The following IL12RB2 variants were observed in gnomAD, a reference collection of about 807,000 sequenced individuals.
The protein encoded by IL12RB2 is interleukin-12 receptor subunit beta-2.
Under a neutral mutation model 89.4 loss-of-function variants are expected in IL12RB2, and 82 were observed. The ratio of observed to expected loss-of-function variants is 0.92; its 90% CI spans 0.77 to 1.10. The LOEUF (loss-of-function observed/expected upper bound fraction) is 1.10. Among genes scored for constraint, IL12RB2 ranks in the 50% least tolerant of loss-of-function variants. The probability of loss-of-function intolerance (pLI) is 0.00; values close to 1 mark genes in which losing one functional copy is unlikely to be tolerated. For synonymous variants in IL12RB2, 368 were observed against 370.1 expected (o/e 0.99, Z 0.07); for missense variants, 963 against 1,031.9 (o/e 0.93, Z 0.92).
intron 14 of IL12RB2, among the ~76,000 whole-genome samples, chr1:67,382,188 C>T (rs1664670920): frequency 1.3e-5 from 2 of 152,134 alleles, no homozygotes; most frequent in African/African-American, 2.4e-5. Context: ...TCCACACCTG[C>T]CTGGGCAACA....
At chr1:67,326,080 A>C (rs953002933) in intron 4 of IL12RB2, among the ~76,000 whole-genome samples, 1 of 152,222 alleles carries the variant, frequency 6.6e-6, no homozygotes, top group Non-Finnish European at 1.5e-5. Flanking sequence ...AATGTCCATA[A>C]AGTGCTCCAA....
intron 9 of IL12RB2, 32 bp downstream of exon 9, chr1:67,338,735 G>A: frequency 9.9e-7 from 1 of 1,013,706 alleles, no homozygotes; most frequent in East Asian, 2.4e-5. Context: ...AAAACTCAAG[G>A]GAATAAAACT....
intron 11 of IL12RB2, 31 bp downstream of exon 11, chr1:67,368,056 G>T: frequency 2.2e-6 from 3 of 1,369,962 alleles, no homozygotes; most frequent in South Asian, 1.2e-5. Flanking sequence ...CTTCTAGAGG[G>T]TTACTAAGTT....
At position 67,396,693 on chromosome 1, in the gene IL12RB2, C is replaced by G. The variant is rs1246091375; in HGVS notation, c.*604C>G. On this transcript the variant is annotated 3_prime_UTR_variant, in exon 17 of 17. Transcript: ENST00000674203. ...GTGGCTACTGTATTGGAGTGCACAG[C>G]TCTAGATGGCTCCTAGATTATTGAG... 6.4e-6 allele frequency: 1 copy of G among 156,356 alleles called. No homozygotes were observed. Among genetic ancestry groups the G allele is most frequent in the Non-Finnish European group, 1.4e-5 (1 of 70,544 alleles). 9.7% of individuals were successfully genotyped at this position (156,356 alleles called of 1,614,324 possible). A position where few individuals can be genotyped will look rare whatever the true frequency, so the allele number is the denominator to read the frequency against.
Position 67,386,619 on chromosome 1 carries a change from C to T in IL12RB2, c.1896C>T (p.Cys632=). Residue 632 remains cysteine, a synonymous_variant, in exon 15 of 17, where the codon TGC becomes TGT. Transcript: ENST00000674203. The stretch of plus-strand genomic sequence containing the variant: ...TGGCGTTTGTGGCACCAAGCATTTG[C>T]ATTGCTATCATCATGGTGGGCATTT... ...NWMAFVAPSI[C]IAIIMVGIFS... is the part of the protein sequence containing the mutation. The T allele has an allele frequency of 6.2e-7, 1 of 1,613,626 alleles. No individual in the cohort carries two copies. Among genetic ancestry groups the T allele is most frequent in the Non-Finnish European group, 8.5e-7 (1 of 1,179,676 alleles).
intron 10 of IL12RB2, among the ~76,000 whole-genome samples, chr1:67,354,418 A>G (rs960261065): frequency 3.9e-5 from 6 of 152,330 alleles, no homozygotes; most frequent in Non-Finnish European, 5.9e-5. Flanking sequence ...GGAGCCAGTG[A>G]CCAAAAGAGG....
rs766912194 is a variant in IL12RB2, at chr1:67,397,046, G to A, written c.*957G>A. ...CCAGCTACTCGGGAGGCTGAGGGAGGAGAATGACATGAACCTGGGAGGTGG... is the reference window on the plus strand; with the variant it reads ...CCAGCTACTCGGGAGGCTGAGGGAGAAGAATGACATGAACCTGGGAGGTGG... On this transcript the variant is annotated 3_prime_UTR_variant, in exon 17 of 17. Coordinates refer to ENST00000674203, the MANE Select transcript of IL12RB2 (RefSeq NM_001374259.2). 6.6e-6 allele frequency: 1 copy of A among 151,806 alleles called. No homozygotes were observed. The highest frequency in any genetic ancestry group is 1.5e-5 in the Non-Finnish European group (1 of 68,044). 9.4% of individuals were successfully genotyped at this position (151,806 alleles called of 1,614,324 possible).
intron 1 of IL12RB2, among the ~76,000 whole-genome samples, chr1:67,310,781 G>A (rs973543727): frequency 2.6e-5 from 4 of 152,186 alleles, no homozygotes; most frequent in African/African-American, 9.7e-5. Flanking sequence ...CTGGAGTGCA[G>A]TGGTGCGATC....
chr1:67,367,013 T>C (rs894055455), intron 10 of IL12RB2, among the ~76,000 whole-genome samples: 4 of 152,186 alleles, frequency 2.6e-5, no homozygotes, highest in Non-Finnish European at 5.9e-5. Flanking sequence ...GGATAGGAAT[T>C]TGTCTAAACA....
intron 10 of IL12RB2, 32 bp downstream of exon 10, chr1:67,351,121 T>G: frequency 2.5e-6 from 4 of 1,608,490 alleles, no homozygotes; most frequent in Non-Finnish European, 3.4e-6. Context: ...ACATTGCCTG[T>G]GGAAAACTGT....
intron 9 of IL12RB2, among the ~76,000 whole-genome samples, chr1:67,344,136 G>A (rs1291226946): frequency 6.6e-6 from 1 of 152,014 alleles, no homozygotes; most frequent in Non-Finnish European, 1.5e-5. Flanking sequence ...AGCAGAGAGG[G>A]ACACCTCTAT....
intron 10 of IL12RB2, among the ~76,000 whole-genome samples, chr1:67,359,586 G>A (rs754314683): frequency 7.9e-5 from 12 of 152,070 alleles, no homozygotes; most frequent in East Asian, 1.9e-4. Context: ...GCTGGGAGTC[G>A]TGGCATATGC....
At chr1:67,342,916 C>A (rs1659820842) in intron 9 of IL12RB2, among the ~76,000 whole-genome samples, 1 of 28,914 alleles carries the variant, frequency 3.5e-5, no homozygotes, top group Non-Finnish European at 1.2e-4. Flanking sequence ...TCCATCACCA[C>A]GCCCAGCTAA....
chr1:67,318,788 A>T (rs930070562), intron 2 of IL12RB2, among the ~76,000 whole-genome samples: 1 of 152,072 alleles, frequency 6.6e-6, no homozygotes, highest in African/African-American at 2.4e-5. Flanking sequence ...ACTGGAGCTC[A>T]GGGGGATGTG....
intron 9 of IL12RB2, 86 bp downstream of exon 9, chr1:67,338,789 G>T: frequency 2.6e-6 from 2 of 769,092 alleles, no homozygotes; most frequent in Non-Finnish European, 4.8e-6. Context: ...TTTATATGAA[G>T]CTTCAATGAT....
intron 1 of IL12RB2, among the ~76,000 whole-genome samples, chr1:67,313,151 G>A (rs1197311972): frequency 6.6e-6 from 1 of 152,198 alleles, no homozygotes; most frequent in East Asian, 1.9e-4. Flanking sequence ...ATTTCATGAA[G>A]AAGAGAAGGT....
At chr1:67,308,865 C>T (rs1311498803) in intron 1 of IL12RB2, among the ~76,000 whole-genome samples, 1 of 151,936 alleles carries the variant, frequency 6.6e-6, no homozygotes, top group Non-Finnish European at 1.5e-5. Flanking sequence ...ATTAAAAATA[C>T]GAAAATTAGC....
intron 10 of IL12RB2, among the ~76,000 whole-genome samples, chr1:67,355,497 G>C (rs1661298665): frequency 6.8e-6 from 1 of 147,524 alleles, no homozygotes; most frequent in African/African-American, 2.5e-5. Context: ...ATATTTCAAA[G>C]ATCCAGCCCT....
Position 67,395,939 on chromosome 1 carries a change from A to G in IL12RB2, c.2439A>G (p.Ala813=), listed in dbSNP as rs1365939258. The G allele has an allele frequency of 6.2e-7, 1 of 1,612,204 alleles. No homozygotes were observed. ...SNIDDLPSHE[A]PLADSLEELE... ...TAGATGACCTCCCCTCACATGAGGC[A>G]CCTCTCGCTGACTCTCTGGAAGAAC... The change falls in exon 17 of 17, where the codon GCA becomes GCG. Residue 813 remains alanine, a synonymous_variant. Transcript: ENST00000674203.
Sources: allele counts gnomAD v4.1 joint callset (sites outside exome capture counted in the v4.1 genomes callset), GRCh38; gene constraint gnomAD v4.1.1; transcripts MANE v1.5; gene names NCBI Gene and HGNC (gene_info 2026-07-23, HGNC 2026-07-21).